Variants in NSUN2 observed in about 807,000 individuals in gnomAD.
NSUN2 encodes RNA cytosine C(5)-methyltransferase NSUN2.
A neutral mutation model predicts 92.7 loss-of-function variants in NSUN2; 63 were observed. That is an observed-to-expected ratio of 0.68 (90% CI 0.56 to 0.84). The LOEUF is 0.84. Ranked by LOEUF, NSUN2 falls within the 40% of genes least tolerant of loss-of-function variation. The pLI is 0.00. For missense variants in NSUN2, 989 were observed against 964.9 expected, an observed-to-expected ratio of 1.02 and a Z score of -0.33; for synonymous variants, 356 against 348.3, an observed-to-expected ratio of 1.02 and a Z score of -0.25.
rs755628028 is a variant in NSUN2 at position 6,625,767 on chromosome 5, C to T, written c.360-98G>A. The T allele has an allele frequency of 5.1e-6, 4 of 782,632 alleles. No homozygotes were observed. The African/African-American group carries it at 5.2e-5, about 10-fold the overall frequency. 48.5% of individuals were successfully genotyped at this position (782,632 alleles called of 1,614,324 possible). A position where few individuals can be genotyped will look rare whatever the true frequency, so the allele number is the denominator to read the frequency against. The stretch of plus-strand genomic sequence containing the variant: ...ATCAGTCGCATGCCAAATGAGACTT[C>T]GAATGTTGTTCTCCCTGCTCCTATT... On this transcript the variant is annotated intron_variant, in intron 3 of 18. Transcript: ENST00000264670.
Position 6,604,704 on chromosome 5 carries a change from G to C in NSUN2, c.1738-19C>G. ...TAATAACCTGTAAGTAAAAAAATAA[G>C]ATGAAACACAGAGAGATGAAGACAG... On this transcript the variant is annotated intron_variant, in intron 15 of 18. Transcript: ENST00000264670. 1 of 1,596,492 alleles carries C rather than the reference G, an allele frequency of 6.3e-7. No homozygotes were observed. The highest frequency in any genetic ancestry group is 1.3e-5 in the African/African-American group (1 of 74,720).
chr5:6,609,895 A>G lies in NSUN2; in HGVS notation c.1254T>C (p.Asn418=), dbSNP rs1736918752. 2.5e-6 allele frequency: 4 copies of G among 1,613,344 alleles called. No individual in the cohort carries two copies. The highest frequency in any genetic ancestry group is 2.2e-5 in the East Asian group (1 of 44,872). ...ATACTGCCACAAAAAACCCTCCAGT[A>G]TTCTGATGATGGGGTAATATCCTAA... is the stretch of plus-strand genomic sequence containing the variant. ...RCLRILPHHQ[N]TGGFFVAVLV... The change falls in exon 12 of 19, where the codon AAT becomes AAC. Residue 418 remains asparagine, a synonymous_variant. Coordinates refer to ENST00000264670, the MANE Select transcript of NSUN2 (RefSeq NM_017755.6).
At chr5:6,604,420 A>C (rs1736676588) in intron 16 of NSUN2, 144 bp from the exon 17 acceptor site, 2 of 864,824 alleles carry the variant, frequency 2.3e-6, no homozygotes, top group Admixed American at 5.1e-5. Context: ...TGTGGAACCC[A>C]CCCCCCCCTA....
intron 3 of NSUN2, among the ~76,000 whole-genome samples, chr5:6,625,933 A>G (rs1313833275): frequency 2.0e-5 from 3 of 152,146 alleles, no homozygotes; most frequent in African/African-American, 2.4e-5. Flanking sequence ...GTAAAATTAT[A>G]ATGATGAAAC....
intron 14 of NSUN2, 39 bp from the exon 15 acceptor site, chr5:6,605,447 CA>C: frequency 6.2e-7 from 1 of 1,602,184 alleles, no homozygotes. Flanking sequence ...ACAATGAGTT[CA>C]AAATCTGGTA....
At chr5:6,622,200 T>C in intron 5 of NSUN2, 100 bp from the exon 6 acceptor site, 1 of 878,722 alleles carries the variant, frequency 1.1e-6, no homozygotes, top group Non-Finnish European at 1.8e-6. Context: ...GTCCAAGATC[T>C]AAATATACTT....
At chr5:6,628,626 C>A (rs906564978) in intron 3 of NSUN2, among the ~76,000 whole-genome samples, 2 of 152,188 alleles carry the variant, frequency 1.3e-5, no homozygotes, top group East Asian at 3.9e-4. Context: ...GCATCTTGAG[C>A]AATACAGAAA....
intron 4 of NSUN2, among the ~76,000 whole-genome samples, chr5:6,623,791 C>T (rs1737551324): frequency 6.6e-6 from 1 of 152,228 alleles, no homozygotes; most frequent in African/African-American, 2.4e-5. Context: ...AAGACATCAA[C>T]CACTGCTTCC....
intron 12 of NSUN2, among the ~76,000 whole-genome samples, chr5:6,609,098 G>T (rs1560974679): frequency 6.6e-6 from 1 of 152,114 alleles, no homozygotes; most frequent in Non-Finnish European, 1.5e-5. Flanking sequence ...TTTCCTTTTT[G>T]TTCCTCCAAA....
Position 6,620,212 on chromosome 5 carries a change from T to A in NSUN2, c.709A>T (p.Met237Leu). 1 of 1,613,458 alleles carries A rather than the reference T, an allele frequency of 6.2e-7. No individual in the cohort carries two copies. The highest frequency in any genetic ancestry group is 1.3e-5 in the African/African-American group (1 of 75,016). The change falls in exon 7 of 19, where the codon ATG (methionine) becomes TTG (leucine). Residue 237 changes from methionine to leucine, a missense_variant. Met to Leu is a conservative substitution (Grantham distance 15). Transcript: ENST00000264670. ...CTGGAGGCATCATGGTTGACCACCA[T>A]GATGCAGGGGCTGCTCAGCCTCTTG... ...QAKRLSSPCI[M>L]VVNHDASSIP... is the part of the protein sequence containing the mutation.
rs763802593 is a variant in NSUN2, at chr5:6,625,675, C to CA, written c.360-7dup. ...AGGCAAGTTCTTCAGGATACCTGACCAAAAAGAAAGCAAAACATTTATGGA... is the reference window on the plus strand; with the variant it reads ...AGGCAAGTTCTTCAGGATACCTGACCAAAAAAGAAAGCAAAACATTTATGGA... On this transcript the variant is annotated splice_polypyrimidine_tract_variant and splice_region_variant and intron_variant, in intron 3 of 18. Coordinates refer to ENST00000264670, the MANE Select transcript of NSUN2 (RefSeq NM_017755.6). 65 of 1,604,588 alleles carry CA rather than the reference C, an allele frequency of 4.1e-5. No homozygotes were observed. The highest frequency in any genetic ancestry group is 5.4e-5 in the Non-Finnish European group (63 of 1,171,716).
chr5:6,605,048 G>C (rs1736706822), intron 15 of NSUN2: 10 of 633,518 alleles, frequency 1.6e-5, no homozygotes, highest in South Asian at 1.2e-4. Context: ...GCGGGAATGG[G>C]GCACAGAAAA....
intron 17 of NSUN2, among the ~76,000 whole-genome samples, chr5:6,603,378 T>C (rs1230465723): frequency 6.6e-6 from 1 of 152,218 alleles, no homozygotes; most frequent in Non-Finnish European, 1.5e-5. Flanking sequence ...GCCAGTCTCG[T>C]GAGGCTGTGT....
At chr5:6,629,505 C>T (rs1737784358) in intron 3 of NSUN2, among the ~76,000 whole-genome samples, 1 of 152,206 alleles carries the variant, frequency 6.6e-6, no homozygotes, top group African/African-American at 2.4e-5. Context: ...ACTTCTTCAT[C>T]TTAAAAGCAT....
In NSUN2 at chr5:6,604,424, C is replaced by T. The variant is rs576043947; in HGVS notation, c.1819-148G>A. 4 of 923,438 alleles carry T rather than the reference C, an allele frequency of 4.3e-6. No homozygotes were observed. In the African/African-American group the frequency reaches 6.6e-5, roughly 15 times the overall value. The allele number at this position is 923,438 out of a possible 1,614,324, so 57.2% of individuals were successfully genotyped here. On this transcript the variant is annotated intron_variant, in intron 16 of 18. Transcript: ENST00000264670. ...CCTTGGACAGGTGTGGAACCCACCC[C>T]CCCCTAGGAGGGGAAACCAGCACTC...
In NSUN2 at chr5:6,600,204, C is replaced by A; in HGVS notation, c.2026G>T (p.Val676Phe). Reference sequence around the variant, plus strand: ...GCCTTTCCCCGCCATCCGCATAAGACGATGGGACACTGCAGAGCGTCTGGA... The same window carrying A: ...GCCTTTCCCCGCCATCCGCATAAGAAGATGGGACACTGCAGAGCGTCTGGA... Reference protein sequence around the residue: ...ANPDALQCPIVLCGWRGKASI... With the variant: ...ANPDALQCPIFLCGWRGKASI... Residue 676 changes from valine (V) to phenylalanine (F), a missense_variant, in exon 19 of 19, where the codon GTC becomes TTC. This residue lies in a region of NSUN2 where 626 missense variants were observed against 602.3 expected (regional missense o/e 1.04). Transcript: ENST00000264670. 1 of 1,614,176 alleles carries A rather than the reference C, an allele frequency of 6.2e-7. No homozygotes were observed. The highest frequency in any genetic ancestry group is 8.5e-7 in the Non-Finnish European group (1 of 1,180,016).
chr5:6,610,856 A>AC, intron 11 of NSUN2, 99 bp downstream of exon 11: 1 of 1,422,194 alleles, frequency 7.0e-7, no homozygotes. Context: ...CAGCAATGTC[A>AC]CCTGCTGCCT....
chr5:6,604,085 T>C (rs1736659430), intron 17 of NSUN2, 53 bp downstream of exon 17: 10 of 1,543,516 alleles, frequency 6.5e-6, no homozygotes, highest in African/African-American at 1.4e-5. Context: ...GCATTTTTGC[T>C]GGCCTTATAA....
intron 3 of NSUN2, among the ~76,000 whole-genome samples, chr5:6,629,433 G>A (rs990406478): frequency 2.2e-4 from 33 of 152,162 alleles, no homozygotes; most frequent in African/African-American, 7.7e-4. Context: ...CCCACATGGA[G>A]GTGCCTTAAG....
Sources: gnomAD v4.1 joint callset for allele counts (sites outside exome capture counted in the v4.1 genomes callset) on GRCh38, gnomAD v4.1.1 for gene constraint, gnomAD v4.1.1 regional missense constraint, MANE v1.5 for transcripts, NCBI Gene and HGNC (gene_info 2026-07-23, HGNC 2026-07-21) for gene names.